Variants in SP7 observed in about 807,000 individuals in gnomAD.
The protein encoded by SP7 is transcription factor Sp7.
Under a neutral mutation model 27.9 loss-of-function variants are expected in SP7, and 13 were observed. The observed-to-expected ratio is 0.47, with a 90% CI of 0.30 to 0.74. The LOEUF (loss-of-function observed/expected upper bound fraction) is 0.74, where lower values mean the gene tolerates loss of function less well. SP7 is among the 30% of genes least tolerant of loss of function. SP7 has a pLI of 0.06. For missense variants in SP7, 525 were observed against 558.0 expected (o/e 0.94, Z 0.60); for synonymous variants, 219 against 226.7 (o/e 0.97, Z 0.31).
At chr12:53,329,474 A>G in intron 2 of SP7, 54 bp from the exon 3 acceptor site, 4 of 1,509,652 alleles carry the variant, frequency 2.6e-6, no homozygotes, top group Middle Eastern at 1.9e-4. Flanking sequence ...GTACAAAATG[A>G]AGGGCAACAC....
upstream of SP7, among the ~76,000 whole-genome samples, chr12:53,338,714 G>C (rs1944796601): frequency 6.6e-6 from 1 of 152,124 alleles, no homozygotes; most frequent in South Asian, 2.1e-4. Context: ...AGGAGGAGCA[G>C]AGTCCCAGGA....
rs141624668 is a variant in SP7 at position 53,330,849 on chromosome 12, G to A, written c.22-1429C>T. On this transcript the variant is annotated intron_variant, in intron 2 of 2. Coordinates refer to ENST00000536324, the MANE Select transcript of SP7 (RefSeq NM_001173467.3). ...TAAGGAATCTCTTGGCAGAGACTCC[G>A]GCTGGAGAGCAAGAGGAAGTGATGG... is the stretch of plus-strand genomic sequence containing the variant. 3.3e-5 allele frequency among the ~76,000 whole-genome samples: 5 copies of A among 152,294 alleles called. No homozygotes were observed. The East Asian group carries it at 5.8e-4, about 18-fold the overall frequency.
intron 1 of SP7, among the ~76,000 whole-genome samples, chr12:53,341,480 A>G (rs1169276237): frequency 6.6e-6 from 1 of 152,180 alleles, no homozygotes; most frequent in Admixed American, 6.5e-5. Context: ...CATTGAATTA[A>G]GTAAGAACCT....
upstream of SP7, among the ~76,000 whole-genome samples, chr12:53,340,580 G>C (rs889141149): frequency 6.6e-6 from 1 of 152,112 alleles, no homozygotes; most frequent in Non-Finnish European, 1.5e-5. Context: ...CTGCGGCCCC[G>C]CTGACTCATC....
chr12:53,332,052 AC>A (rs1345272625), intron 2 of SP7, among the ~76,000 whole-genome samples: 2 of 152,144 alleles, frequency 1.3e-5, no homozygotes, highest in African/African-American at 4.8e-5. Context: ...ACCACAGTGA[AC>A]ACTCACGGTT....
upstream of SP7, among the ~76,000 whole-genome samples, chr12:53,341,179 A>C (rs1186320015): frequency 3.3e-5 from 5 of 152,228 alleles, no homozygotes; most frequent in Non-Finnish European, 7.3e-5. Context: ...CCTCTCTGCT[A>C]GGTCTCCCCA....
chr12:53,333,907 A>G (rs1944736196), intron 2 of SP7, among the ~76,000 whole-genome samples: 1 of 152,130 alleles, frequency 6.6e-6, no homozygotes, highest in Non-Finnish European at 1.5e-5. Flanking sequence ...ATGAAAGTCT[A>G]GCTTCCACAA....
intron 2 of SP7, among the ~76,000 whole-genome samples, chr12:53,330,616 C>T (rs1001860976): frequency 4.6e-5 from 7 of 152,144 alleles, no homozygotes; most frequent in African/African-American, 1.4e-4. Flanking sequence ...TGGAGCAGAT[C>T]GAGGCCATGG....
At chr12:53,341,214 C>T (rs1339153646), upstream of SP7, among the ~76,000 whole-genome samples, 1 of 152,208 alleles carries the variant, frequency 6.6e-6, no homozygotes, top group Non-Finnish European at 1.5e-5. Context: ...ACCAGGGCTG[C>T]AAGGCAGGAC....
At chr12:53,334,535 T>A (rs1457380787) in intron 2 of SP7, among the ~76,000 whole-genome samples, 1 of 152,132 alleles carries the variant, frequency 6.6e-6, no homozygotes, top group Non-Finnish European at 1.5e-5. Flanking sequence ...GGGCCTGAGC[T>A]AGGGCACTGG....
rs1944675478 is a variant in SP7 at position 53,329,298 on chromosome 12, G to C, written c.144C>G (p.Tyr48Ter). The C allele has an allele frequency of 6.2e-7, 1 of 1,613,954 alleles. No individual in the cohort carries two copies. Residue 48 changes from tyrosine (Y) to a stop codon, truncating the protein, a stop_gained, in exon 3 of 3, where the codon TAC becomes TAG. Transcript: ENST00000536324. LOFTEE classifies it high-confidence loss of function. ...AGGCTGAAAGGTCACTGCCCACAGA[G>C]TACGGCTTCTTTGTGCCTGCTTTGC... ...TLGKAGTKKP[Y>*]SVGSDLSASK...
At chr12:53,340,802 A>C (rs1390220046), upstream of SP7, among the ~76,000 whole-genome samples, 1 of 152,218 alleles carries the variant, frequency 6.6e-6, no homozygotes, top group Non-Finnish European at 1.5e-5. Context: ...CAGGAGAGAC[A>C]AAGAGGAAAC....
intron 1 of SP7, chr12:53,335,894 G>T (rs1432176821): frequency 1.6e-6 from 2 of 1,252,364 alleles, no homozygotes; most frequent in African/African-American, 3.0e-5. Context: ...GAGGCAGAGG[G>T]TCCAAATTTC....
At chr12:53,343,039 T>A (rs1253763112) in intron 1 of SP7, among the ~76,000 whole-genome samples, 3 of 151,572 alleles carry the variant, frequency 2.0e-5, no homozygotes, top group Admixed American at 2.0e-4. Flanking sequence ...CTCATGCCTG[T>A]AATCCCAGCA....
At chr12:53,329,612 T>G in intron 2 of SP7, among the ~76,000 whole-genome samples, 192 bp from the exon 3 acceptor site, 1 of 151,754 alleles carries the variant, frequency 6.6e-6, no homozygotes, top group Admixed American at 6.6e-5. Flanking sequence ...ACTCATGGAG[T>G]CGTGGGAAGA....
chr12:53,340,026 A>G (rs1944808791), upstream of SP7, among the ~76,000 whole-genome samples: 1 of 152,166 alleles, frequency 6.6e-6, no homozygotes, highest in African/African-American at 2.4e-5. Context: ...ATACTTGCAC[A>G]CACACAAGGT....
At chr12:53,343,220 G>A (rs1033509239) in intron 1 of SP7, among the ~76,000 whole-genome samples, 1 of 152,090 alleles carries the variant, frequency 6.6e-6, no homozygotes, top group African/African-American at 2.4e-5. Context: ...GTTGTAGGAA[G>A]GGGGAAGAGT....
At chr12:53,332,946 A>G (rs946699403) in intron 2 of SP7, among the ~76,000 whole-genome samples, 1 of 151,876 alleles carries the variant, frequency 6.6e-6, no homozygotes. Context: ...CGGCCCTCAC[A>G]CTGCGGCCAC....
upstream of SP7, among the ~76,000 whole-genome samples, chr12:53,339,415 GA>G (rs1944802934): frequency 6.6e-6 from 1 of 152,186 alleles, no homozygotes; most frequent in Non-Finnish European, 1.5e-5. Context: ...TCAGTGGGGT[GA>G]AAACAGAATG....
Sources: gnomAD v4.1 joint callset for allele counts (sites outside exome capture counted in the v4.1 genomes callset) on GRCh38, gnomAD v4.1.1 for gene constraint, MANE v1.5 for transcripts, NCBI Gene and HGNC (gene_info 2026-07-23, HGNC 2026-07-21) for gene names.